The following TTC23 variants were observed in gnomAD, a reference collection of about 807,000 sequenced individuals.
The protein encoded by TTC23 is tetratricopeptide repeat protein 23.
A neutral mutation model predicts 55.1 loss-of-function variants in TTC23; 58 were observed. The ratio of observed to expected loss-of-function variants is 1.05; its 90% CI spans 0.85 to 1.31. The LOEUF (loss-of-function observed/expected upper bound fraction) is 1.31, where lower values mean the gene tolerates loss of function less well. TTC23 is among the 50% of genes most tolerant of loss of function. The probability of loss-of-function intolerance (pLI) is 0.00; values close to 1 mark genes in which losing one functional copy is unlikely to be tolerated. For synonymous variants in TTC23, 203 were observed against 199.9 expected (o/e 1.02, Z -0.13); for missense variants, 516 against 534.4 (o/e 0.97, Z 0.34).
At chr15:99,179,627 T>C (rs11632046) in intron 9 of TTC23, among the ~76,000 whole-genome samples, 6,042 of 152,348 alleles carry the variant, frequency 0.04, 168 homozygotes, top group Non-Finnish European at 0.062. Flanking sequence ...GCAAACACCA[T>C]GGCACCATTG....
rs1271743888 is a variant in TTC23, at chr15:99,136,417, CA to C, written c.*1592del. ...GCCGTAGCCTGAAAGGCTTAAACAACAAACATTTATTTCTTACAGTTCTGGA... is the reference window on the plus strand; with the variant it reads ...GCCGTAGCCTGAAAGGCTTAAACAACAACATTTATTTCTTACAGTTCTGGA... On this transcript the variant is annotated 3_prime_UTR_variant, in exon 14 of 14. Transcript: ENST00000394132. 2.0e-5 allele frequency: 3 copies of C among 152,252 alleles called. No homozygotes were observed. Among genetic ancestry groups the C allele is most frequent in the African/African-American group, 7.2e-5 (3 of 41,460 alleles). 9.4% of individuals were successfully genotyped at this position (152,252 alleles called of 1,614,324 possible).
At position 99,138,110 on chromosome 15, in the gene TTC23, G is replaced by A. The variant is rs565376889; in HGVS notation, c.1244C>T (p.Ser415Leu). Residue 415 changes from serine to leucine, a missense_variant, in exon 14 of 14, where the codon TCG becomes TTG. Ser to Leu is a moderately radical substitution (Grantham distance 145). Transcript: ENST00000394132. ...GMLSTAPKVASKPRQASKAKV... is the reference protein window; with the variant it reads ...GMLSTAPKVALKPRQASKAKV... ...GGCTTTTGATGCCTGCCTTGGCTTC[G>A]AAGCAACCTTGGGGGCCCTGCAGAC... 1.9e-5 allele frequency: 30 copies of A among 1,612,908 alleles called. No individual in the cohort carries two copies. The highest frequency in any genetic ancestry group is 2.0e-4 in the Middle Eastern group (1 of 5,128).
chr15:99,139,931 T>G (rs1451655769), intron 12 of TTC23: 4 of 362,224 alleles, frequency 1.1e-5, no homozygotes, highest in Non-Finnish European at 2.0e-5. Context: ...ACTTTAAGTC[T>G]TGCCATTTGA....
At chr15:99,230,077 G>C (rs2078811655) in intron 4 of TTC23, among the ~76,000 whole-genome samples, 1 of 152,008 alleles carries the variant, frequency 6.6e-6, no homozygotes, top group Admixed American at 6.6e-5. Flanking sequence ...CCCATAATGA[G>C]AATAATCAAT....
intron 12 of TTC23, among the ~76,000 whole-genome samples, chr15:99,146,884 A>G (rs961236428): frequency 1.3e-4 from 20 of 152,216 alleles, no homozygotes; most frequent in Non-Finnish European, 1.0e-4. Flanking sequence ...TCTTATTACC[A>G]CACAGCCTAT....
chr15:99,146,617 T>C (rs374676671), intron 12 of TTC23, among the ~76,000 whole-genome samples: 11 of 152,224 alleles, frequency 7.2e-5, no homozygotes, highest in African/African-American at 1.2e-4. Context: ...TGTGGGACAA[T>C]TGATGACCCT....
At chr15:99,225,321 G>A (rs937940266) in intron 5 of TTC23, among the ~76,000 whole-genome samples, 1 of 152,208 alleles carries the variant, frequency 6.6e-6, no homozygotes, top group Admixed American at 6.5e-5. Context: ...GGGGCAGACA[G>A]AAGACAAGCA....
chr15:99,181,769 A>G (rs1191646975), intron 9 of TTC23, among the ~76,000 whole-genome samples: 1 of 152,182 alleles, frequency 6.6e-6, no homozygotes, highest in African/African-American at 2.4e-5. Context: ...TGGCTAAGAA[A>G]AAGACGGAGC....
At chr15:99,242,221 C>A (rs2079871381) in intron 2 of TTC23, among the ~76,000 whole-genome samples, 1 of 150,708 alleles carries the variant, frequency 6.6e-6, no homozygotes, top group African/African-American at 2.4e-5. Context: ...AGCAAACTTA[C>A]CCATATGTAA....
At chr15:99,206,652 T>G (rs1476067660) in intron 8 of TTC23, among the ~76,000 whole-genome samples, 1 of 152,148 alleles carries the variant, frequency 6.6e-6, no homozygotes, top group Non-Finnish European at 1.5e-5. Context: ...TGGTAGCAGT[T>G]GTATTGTCTC....
At chr15:99,152,534 G>A (rs569475053) in intron 12 of TTC23, among the ~76,000 whole-genome samples, 16 of 152,154 alleles carry the variant, frequency 1.1e-4, no homozygotes, top group African/African-American at 3.4e-4. Context: ...TGCGCCAGCA[G>A]CTAATTTTTG....
chr15:99,212,926 C>T (rs1596726846), intron 8 of TTC23, among the ~76,000 whole-genome samples: 1 of 143,478 alleles, frequency 7.0e-6, no homozygotes, highest in South Asian at 2.3e-4. Context: ...TCAAGGCTGC[C>T]GTGAGCTGTC....
chr15:99,234,313 A>G (rs2079140819), intron 4 of TTC23, among the ~76,000 whole-genome samples: 1 of 152,172 alleles, frequency 6.6e-6, no homozygotes, highest in Non-Finnish European at 1.5e-5. Context: ...AACTCTCAAC[A>G]CTCAAGAAAA....
At chr15:99,248,835 T>G (rs577673877) in intron 1 of TTC23, among the ~76,000 whole-genome samples, 40 of 152,340 alleles carry the variant, frequency 2.6e-4, no homozygotes, top group South Asian at 6.2e-4. Context: ...GAAATATGAT[T>G]GCTGGATTTT....
At chr15:99,231,083 C>T (rs1057006619) in intron 4 of TTC23, among the ~76,000 whole-genome samples, 4 of 152,150 alleles carry the variant, frequency 2.6e-5, no homozygotes, top group South Asian at 4.1e-4. Flanking sequence ...AACATCATAG[C>T]GTAATGCATT....
intron 13 of TTC23, among the ~76,000 whole-genome samples, chr15:99,138,635 T>C (rs1364945497): frequency 1.3e-5 from 2 of 152,212 alleles, no homozygotes; most frequent in African/African-American, 4.8e-5. Context: ...TAAAATCACC[T>C]GTGACCATCC....
At chr15:99,139,959 G>C (rs1229505740) in intron 12 of TTC23, 1 of 288,282 alleles carries the variant, frequency 3.5e-6, no homozygotes, top group Non-Finnish European at 6.7e-6. Context: ...TAGTAGGCTA[G>C]GGCAAATCAA....
chr15:99,237,918 T>C (rs1361043988), intron 3 of TTC23, among the ~76,000 whole-genome samples: 4 of 152,178 alleles, frequency 2.6e-5, no homozygotes, highest in Non-Finnish European at 2.9e-5. Flanking sequence ...TTATCTACTA[T>C]AGATAACATT....
intron 8 of TTC23, among the ~76,000 whole-genome samples, chr15:99,204,682 CTGGAGT>C (rs2076479024): frequency 8.9e-6 from 1 of 112,850 alleles, no homozygotes; most frequent in Non-Finnish European, 1.7e-5. Context: ...GTGGCCCAGG[CTGGAGT>C]GCAGTGGTGT....
Sources: gnomAD v4.1 joint callset for allele counts (sites outside exome capture counted in the v4.1 genomes callset) on GRCh38, gnomAD v4.1.1 for gene constraint, MANE v1.5 for transcripts, NCBI Gene and HGNC (gene_info 2026-07-23, HGNC 2026-07-21) for gene names.